Variants in VRTN observed in about 807,000 individuals in gnomAD.
VRTN encodes the protein vertnin.
A neutral mutation model predicts 18.2 loss-of-function variants in VRTN; 5 were observed. The ratio of observed to expected loss-of-function variants is 0.27; its 90% confidence interval spans 0.14 to 0.58. VRTN has a LOEUF of 0.58. VRTN is among the 20% of genes least tolerant of loss of function. The pLI, the probability that VRTN is intolerant of heterozygous loss-of-function variation, is 0.91. For synonymous variants in VRTN, 381 were observed against 393.7 expected, an observed-to-expected ratio of 0.97 and a Z score of 0.38; for missense variants, 741 against 939.4, an observed-to-expected ratio of 0.79 and a Z score of 2.76.
intron 1 of VRTN, among the ~76,000 whole-genome samples, chr14:74,303,868 T>TTTTTTTTAGGG (rs869301257): frequency 8.9e-6 from 1 of 111,748 alleles, no homozygotes; most frequent in South Asian, 3.0e-4. Flanking sequence ...TTTTTTTTTT[T>TTTTTTTTAGGG]GATACGGAGT....
At chr14:74,314,218 A>G (rs967782073) in intron 1 of VRTN, among the ~76,000 whole-genome samples, 6 of 151,918 alleles carry the variant, frequency 3.9e-5, no homozygotes, top group Admixed American at 1.3e-4. Flanking sequence ...TGCAGCCTTG[A>G]ACTTCTGGGC....
intron 1 of VRTN, among the ~76,000 whole-genome samples, chr14:74,315,628 A>C (rs1015072817): frequency 1.3e-5 from 2 of 152,212 alleles, no homozygotes; most frequent in Non-Finnish European, 1.5e-5. Context: ...AGCAGTTTCA[A>C]GACAAAGTAT....
chr14:74,354,167 C>T (rs1014008684), intron 1 of VRTN, among the ~76,000 whole-genome samples: 1 of 152,072 alleles, frequency 6.6e-6, no homozygotes, highest in Non-Finnish European at 1.5e-5. Context: ...TGAGTACTTT[C>T]TCATATCTTT....
upstream of VRTN, among the ~76,000 whole-genome samples, chr14:74,345,877 T>C (rs2085640852): frequency 6.7e-6 from 1 of 148,736 alleles, no homozygotes; most frequent in African/African-American, 2.5e-5. Context: ...TGAGCCGAGA[T>C]TGTGCCACTG....
At chr14:74,347,366 T>C (rs910109925), upstream of VRTN, among the ~76,000 whole-genome samples, 2 of 152,234 alleles carry the variant, frequency 1.3e-5, no homozygotes, top group African/African-American at 4.8e-5. Context: ...GGAACTGGAC[T>C]TGAGTTCAAG....
intron 1 of VRTN, chr14:74,303,310 G>C (rs2085161002): frequency 1.1e-5 from 2 of 175,962 alleles, no homozygotes; most frequent in African/African-American, 4.7e-5. Flanking sequence ...CAGCACTTTG[G>C]AAGGCCAAGG....
At chr14:74,347,029 A>G (rs2085648543), upstream of VRTN, among the ~76,000 whole-genome samples, 1 of 152,250 alleles carries the variant, frequency 6.6e-6, no homozygotes, top group Admixed American at 6.5e-5. Flanking sequence ...AAACTTTAAA[A>G]ATACAGCATA....
At chr14:74,341,488 T>C (rs779010428) in intron 2 of VRTN, among the ~76,000 whole-genome samples, 20 of 152,242 alleles carry the variant, frequency 1.3e-4, no homozygotes, top group Admixed American at 3.9e-4. Flanking sequence ...CATTGTTAAT[T>C]ACTTCTTTAA....
intron 1 of VRTN, among the ~76,000 whole-genome samples, chr14:74,311,106 G>C (rs1952529268): frequency 1.3e-5 from 2 of 152,256 alleles, no homozygotes; most frequent in Admixed American, 1.3e-4. Flanking sequence ...GCAATAATAA[G>C]AGCTGAATGT....
intron 1 of VRTN, among the ~76,000 whole-genome samples, chr14:74,355,248 G>A (rs986114387): frequency 1.3e-5 from 2 of 151,704 alleles, no homozygotes; most frequent in South Asian, 2.1e-4. Flanking sequence ...TGTTTCCCTT[G>A]AAATTACAGT....
chr14:74,309,714 A>G (rs1247454441), intron 1 of VRTN, among the ~76,000 whole-genome samples: 1 of 152,058 alleles, frequency 6.6e-6, no homozygotes, highest in Non-Finnish European at 1.5e-5. Context: ...AAATAAATAA[A>G]ATTTTAAAAA....
chr14:74,320,565 T>C (rs28606659), intron 1 of VRTN, among the ~76,000 whole-genome samples: 894 of 13,700 alleles, frequency 0.065, 9 homozygotes, highest in African/African-American at 0.21. Context: ...CCCGGCCTCT[T>C]TTTTTTTTTT....
chr14:74,334,845 G>A (rs2085553102), intron 1 of VRTN, among the ~76,000 whole-genome samples: 1 of 152,174 alleles, frequency 6.6e-6, no homozygotes, highest in Non-Finnish European at 1.5e-5. Flanking sequence ...TTGGTACGGA[G>A]GGTGGGTCTA....
rs143842797 is a variant in VRTN, at chr14:74,317,409, C to T, written c.-164+14233C>T. Among the ~76,000 whole-genome samples, 275 of 152,312 alleles carry T rather than the reference C, an allele frequency of 1.8e-3. 2 individuals carry two copies. The highest frequency in any genetic ancestry group is 3.3e-3 in the Non-Finnish European group (222 of 68,024). ...TCAGTATCTGGATATTTTCGGTTGT[C>T]ATAACTGACGGATGCTATTGTCTTC... is the stretch of plus-strand genomic sequence containing the variant. On this transcript the variant is annotated intron_variant, in intron 1 of 2. Coordinates refer to the VRTN transcript ENST00000557177.
rs773449275 is a variant in VRTN, at chr14:74,358,614, G to A, written c.1831G>A (p.Glu611Lys). ...GGPSREGALQEGATAQGQPHS... is the reference protein window; with the variant it reads ...GGPSREGALQKGATAQGQPHS... ...GCCTTCCAGAGAGGGGGCCCTGCAG[G>A]AGGGGGCCACAGCCCAGGGCCAGCC... Residue 611 changes from glutamate to lysine, a missense_variant, in exon 2 of 2, where the codon GAG (glutamate) becomes AAG (lysine). Physicochemically the swap from Glu to Lys is moderately conservative, Grantham distance 56. Transcript: ENST00000256362. The surrounding 1 kb of genome is among the most constrained non-coding windows in gnomAD (Gnocchi z 5.4). 6.2e-7 allele frequency: 1 copy of A among 1,601,770 alleles called. No homozygotes were observed. Among genetic ancestry groups the A allele is most frequent in the South Asian group, 1.1e-5 (1 of 89,040 alleles).
chr14:74,303,251 A>C, intron 1 of VRTN: 1 of 269,318 alleles, frequency 3.7e-6, no homozygotes, highest in Non-Finnish European at 6.9e-6. Flanking sequence ...TCTTTAAAAA[A>C]GTATAAATTA....
At chr14:74,322,704 C>A (rs2085464165) in intron 1 of VRTN, among the ~76,000 whole-genome samples, 1 of 152,178 alleles carries the variant, frequency 6.6e-6, no homozygotes, top group Admixed American at 6.5e-5. Context: ...TTGTCAATGT[C>A]CTGCAGTGGA....
chr14:74,328,822 A>C (rs1192121291), intron 1 of VRTN, among the ~76,000 whole-genome samples: 2 of 151,872 alleles, frequency 1.3e-5, no homozygotes, highest in African/African-American at 2.4e-5. Context: ...ACATGGTGAA[A>C]CCTTGTCTCT....
At chr14:74,317,829 C>T (rs918785740) in intron 1 of VRTN, among the ~76,000 whole-genome samples, 2 of 151,606 alleles carry the variant, frequency 1.3e-5, no homozygotes, top group African/African-American at 2.4e-5. Context: ...ACAAAAAAAA[C>T]AAAATCTCAA....
Sources: allele counts gnomAD v4.1 joint callset (sites outside exome capture counted in the v4.1 genomes callset), GRCh38; gene constraint gnomAD v4.1.1; non-coding constraint Gnocchi (gnomAD v3.1); transcripts MANE v1.5; gene names NCBI Gene and HGNC (gene_info 2026-07-23, HGNC 2026-07-21).